KCNH3: variants seen among roughly 807,000 people sequenced by gnomAD.
KCNH3 encodes the protein voltage-gated inwardly rectifying potassium channel KCNH3.
A neutral mutation model predicts 95.6 loss-of-function variants in KCNH3; 36 were observed. The ratio of observed to expected loss-of-function variants is 0.38; its 90% CI spans 0.29 to 0.50. The LOEUF (loss-of-function observed/expected upper bound fraction) is 0.50, where lower values mean the gene tolerates loss of function less well. KCNH3 is among the 20% of genes least tolerant of loss of function. KCNH3 has a pLI of 0.95. For synonymous variants in KCNH3, 620 were observed against 646.3 expected, an observed-to-expected ratio of 0.96 and a Z score of 0.62; for missense variants, 1,030 against 1,484.1, an observed-to-expected ratio of 0.69 and a Z score of 5.03.
In KCNH3 at chr12:49,544,214, C is replaced by T. The variant is rs754946472; in HGVS notation, c.1021C>T (p.Arg341Cys). 2 of 1,570,536 alleles carry T rather than the reference C, an allele frequency of 1.3e-6. No homozygotes were observed. The highest frequency in any genetic ancestry group is 1.7e-6 in the Non-Finnish European group (2 of 1,160,866). The change falls in exon 7 of 15, where the codon CGC (arginine) becomes TGC (cysteine). Residue 341 changes from arginine to cysteine, a missense_variant. Around this residue, in one of 9 missense-constraint regions of KCNH3, gnomAD observed 153 missense variants for 288.5 expected, o/e 0.53. Transcript: ENST00000257981. ...AHLLKTVRLL[R>C]LLRLLPRLDR... ...TCTGCTGAAGACGGTGCGCCTGCTG[C>T]GCCTGCTGCGCCTGCTTCCGCGGCT...
rs372246365 is a variant in KCNH3 at position 49,544,357 on chromosome 12, C to T, written c.1164C>T (p.Ser388=). Residue 388 remains serine, a synonymous_variant, in exon 7 of 15, where the codon AGC becomes AGT. Coordinates refer to ENST00000257981, the MANE Select transcript of KCNH3 (RefSeq NM_012284.3). ...WFYIGQREIE[S]SESELPEIGW... is the part of the protein sequence containing the mutation. ...ACATTGGCCAGCGGGAGATCGAGAG[C>T]AGCGAATCCGAGCTGCCTGAGATTG... The T allele has an allele frequency of 4.3e-6, 7 of 1,613,408 alleles. No homozygotes were observed. The highest frequency in any genetic ancestry group is 5.9e-6 in the Non-Finnish European group (7 of 1,180,026).
In KCNH3 at chr12:49,558,230, T is replaced by G; in HGVS notation, c.*277T>G. 1 of 395,592 alleles carries G rather than the reference T, an allele frequency of 2.5e-6. No individual in the cohort carries two copies. Among genetic ancestry groups the G allele is most frequent in the Non-Finnish European group, 4.4e-6 (1 of 225,626 alleles). The allele number at this position is 395,592 out of a possible 1,614,324, so 24.5% of individuals were successfully genotyped here. A position where few individuals can be genotyped will look rare whatever the true frequency, so the allele number is the denominator to read the frequency against. ...CTGAGGACAAGGAAGAGCTTTGCCA[T>G]CCCCTGCATGTGCCCCTGCCTCTAC... On this transcript the variant is annotated 3_prime_UTR_variant, in exon 15 of 15. Coordinates refer to ENST00000257981, the MANE Select transcript of KCNH3 (RefSeq NM_012284.3).
At chr12:49,540,341 C>T (rs374594295) in intron 1 of KCNH3, among the ~76,000 whole-genome samples, 5 of 152,216 alleles carry the variant, frequency 3.3e-5, no homozygotes, top group African/African-American at 7.2e-5. Flanking sequence ...TCCTGGCTCC[C>T]GTGCTCAGTC....
chr12:49,542,804 C>A lies in KCNH3; in HGVS notation c.544C>A (p.Gln182Lys). Residue 182 changes from glutamine to lysine, a missense_variant, in exon 4 of 15, where the codon CAG (glutamine) becomes AAG (lysine). Around this residue, in one of 9 missense-constraint regions of KCNH3, gnomAD observed 92 missense variants for 92.7 expected, o/e 0.99. Transcript: ENST00000257981. The part of the protein sequence containing the change: ...AVLYHLSGHL[Q>K]KQPKGKHKLN... ...GCTCTACCACCTGTCCGGGCACCTG[C>A]AGAAGCAGCCCAAGGGCAAGCACAA... 1 of 1,603,752 alleles carries A rather than the reference C, an allele frequency of 6.2e-7. No homozygotes were observed. The highest frequency in any genetic ancestry group is 1.1e-5 in the South Asian group (1 of 88,474).
Position 49,539,294 on chromosome 12 carries a change from G to GC in KCNH3, c.-117dup. The GC allele has an allele frequency of 2.3e-6, 1 of 428,314 alleles. No homozygotes were observed. Among genetic ancestry groups the GC allele is most frequent in the Non-Finnish European group, 3.7e-6 (1 of 272,408 alleles). 26.5% of individuals were successfully genotyped at this position (428,314 alleles called of 1,614,324 possible). On this transcript the variant is annotated 5_prime_UTR_variant, in exon 1 of 15. An upstream open reading frame in the 5' UTR loses its in-frame stop. Coordinates refer to ENST00000257981, the MANE Select transcript of KCNH3 (RefSeq NM_012284.3). The surrounding 1 kb of genome is among the most constrained non-coding windows in gnomAD (Gnocchi z 6.7). The stretch of plus-strand genomic sequence containing the variant: ...GACCCCGGATCCCGGTCTGCGCATT[G>GC]CCCCCCGACGGCTGCGCTAGGGAGC...
chr12:49,550,516 G>GT (rs1158997201), intron 10 of KCNH3, among the ~76,000 whole-genome samples, 187 bp downstream of exon 10: 12 of 152,234 alleles, frequency 7.9e-5, no homozygotes, highest in Admixed American at 5.2e-4. Flanking sequence ...AGGTGGCAGC[G>GT]TAAGTAGGTG....
rs377410007 is a variant in KCNH3 at position 49,543,470 on chromosome 12, G to A, written c.775G>A (p.Gly259Ser). 1.6e-4 allele frequency: 258 copies of A among 1,601,270 alleles called. No homozygotes were observed. The highest frequency in any genetic ancestry group is 2.0e-4 in the Non-Finnish European group (239 of 1,179,358). ...AGCACGGGAGCCCAGTGCCGCCCGC[G>A]GCCCGCCCAGCGTCTGTGACCTGGC... ...STAREPSAARGPPSVCDLAVE... is the reference protein window; with the variant it reads ...STAREPSAARSPPSVCDLAVE... Residue 259 changes from glycine to serine, a missense_variant, in exon 5 of 15, where the codon GGC becomes AGC. Gly to Ser is a moderately conservative substitution (Grantham distance 56, BLOSUM62 0). Around this residue, in one of 9 missense-constraint regions of KCNH3, gnomAD observed 153 missense variants for 288.5 expected, o/e 0.53. Transcript: ENST00000257981.
chr12:49,547,053 C>T (rs914361584), intron 7 of KCNH3, among the ~76,000 whole-genome samples: 1 of 152,108 alleles, frequency 6.6e-6, no homozygotes, highest in Non-Finnish European at 1.5e-5. Flanking sequence ...CGCCACCATG[C>T]CTGGCTAATT....
intron 1 of KCNH3, among the ~76,000 whole-genome samples, chr12:49,540,581 C>T (rs779231685): frequency 6.6e-6 from 1 of 152,120 alleles, no homozygotes; most frequent in African/African-American, 2.4e-5. Context: ...GGGCAGTCCT[C>T]ATTAGGGATT....
In KCNH3 at chr12:49,555,954, G is replaced by A; in HGVS notation, c.2468+3G>A. 2.0e-6 allele frequency: 3 copies of A among 1,483,558 alleles called. No homozygotes were observed. The highest frequency in any genetic ancestry group is 1.2e-5 in the South Asian group (1 of 81,044). 91.9% of individuals were successfully genotyped at this position (1,483,558 alleles called of 1,614,324 possible). On this transcript the variant is annotated splice_donor_region_variant and intron_variant, in intron 12 of 14. Coordinates refer to ENST00000257981, the MANE Select transcript of KCNH3 (RefSeq NM_012284.3). ...GTGCCCCCAGATCTGAGCCCCAGGTGAGCAGACCCTAGGCCCCCGTGGCAG... is the reference window on the plus strand; with the variant it reads ...GTGCCCCCAGATCTGAGCCCCAGGTAAGCAGACCCTAGGCCCCCGTGGCAG...
At position 49,555,966 on chromosome 12, in the gene KCNH3, G is replaced by C; in HGVS notation, c.2468+15G>C. The C allele has an allele frequency of 1.6e-6, 2 of 1,287,808 alleles. No individual in the cohort carries two copies. Among genetic ancestry groups the C allele is most frequent in the Admixed American group, 2.0e-5 (1 of 48,940 alleles). The allele number at this position is 1,287,808 out of a possible 1,614,324, so 79.8% of individuals were successfully genotyped here. On this transcript the variant is annotated intron_variant, in intron 12 of 14. Coordinates refer to ENST00000257981, the MANE Select transcript of KCNH3 (RefSeq NM_012284.3). ...CTGAGCCCCAGGTGAGCAGACCCTA[G>C]GCCCCCGTGGCAGAGATGGTGGTGA...
chr12:49,546,720 C>T (rs924336096), intron 7 of KCNH3, among the ~76,000 whole-genome samples: 1 of 152,172 alleles, frequency 6.6e-6, no homozygotes, highest in Admixed American at 6.5e-5. Flanking sequence ...CTGGCCCCAG[C>T]TTCAGGGGTT....
At chr12:49,556,688 A>T (rs1331795835) in intron 13 of KCNH3, 2 of 697,720 alleles carry the variant, frequency 2.9e-6, no homozygotes, top group African/African-American at 3.5e-5. Context: ...AACTGGGTTT[A>T]TATCCTTGCT....
chr12:49,555,881 C>T lies in KCNH3; in HGVS notation c.2398C>T (p.Pro800Ser), dbSNP rs747295139. The change falls in exon 12 of 15, where the codon CCC becomes TCC. Residue 800 changes from proline (P) to serine (S), a missense_variant. Physicochemically the swap from Pro to Ser is moderately conservative, Grantham distance 74. This residue lies in a region of KCNH3 where 464 missense variants were observed against 493.2 expected (regional missense o/e 0.94). Transcript: ENST00000257981. ...GAAGGCTGAGGCTGGCCCCTCTGCT[C>T]CCCCACGGGCCCTAGAGGGGCTACG... ...ALKAEAGPSA[P>S]PRALEGLRLP... 6.2e-7 allele frequency: 1 copy of T among 1,605,854 alleles called. No individual in the cohort carries two copies. Among genetic ancestry groups the T allele is most frequent in the South Asian group, 1.1e-5 (1 of 90,172 alleles).
chr12:49,549,343 C>A (rs1008746725), intron 8 of KCNH3, 98 bp from the exon 9 acceptor site: 2 of 1,506,528 alleles, frequency 1.3e-6, no homozygotes. Flanking sequence ...GCCTTCAGGC[C>A]TTGCCTAGGA....
At chr12:49,557,027 G>C (rs1464297923) in intron 13 of KCNH3, among the ~76,000 whole-genome samples, 156 bp from the exon 14 acceptor site, 1 of 152,102 alleles carries the variant, frequency 6.6e-6, no homozygotes, top group Non-Finnish European at 1.5e-5. Context: ...TGGAAGTTTG[G>C]GCAAAATTCA....
rs374923831 is a variant in KCNH3 at position 49,539,558 on chromosome 12, C to T, written c.76+66C>T. On this transcript the variant is annotated intron_variant, in intron 1 of 14. Transcript: ENST00000257981. This position sits in a 1 kb window ranked among gnomAD's most constrained non-coding sequence, Gnocchi z 6.7. ...CCCTCGCCAGGGCTCCCGCCTTCCC[C>T]GAACCCCCAGCAGCCCAGCTTGGCG... 1.3e-4 allele frequency: 191 copies of T among 1,422,666 alleles called. 1 individual carries two copies. The South Asian group carries it at 2.1e-3, about 16-fold the overall frequency. The allele number at this position is 1,422,666 out of a possible 1,614,324, so 88.1% of individuals were successfully genotyped here.
chr12:49,543,418 T>A lies in KCNH3; in HGVS notation c.723T>A (p.Thr241=), dbSNP rs144600868. The part of the protein sequence containing the change: ...ILLATLYVAV[T]VPYSVCVSTA... Reference sequence around the variant, plus strand: ...TCGCCACACTCTATGTGGCTGTCACTGTGCCCTACAGCGTGTGTGTGAGCA... The same window carrying A: ...TCGCCACACTCTATGTGGCTGTCACAGTGCCCTACAGCGTGTGTGTGAGCA... The change falls in exon 5 of 15, where the codon ACT becomes ACA. Residue 241 remains threonine (T), a synonymous_variant. Coordinates refer to ENST00000257981, the MANE Select transcript of KCNH3 (RefSeq NM_012284.3). 3.0e-5 allele frequency: 49 copies of A among 1,609,360 alleles called. No homozygotes were observed. Among genetic ancestry groups the A allele is most frequent in the Non-Finnish European group, 4.0e-5 (47 of 1,180,004 alleles).
chr12:49,550,039 C>T (rs1239080184), intron 9 of KCNH3, 41 bp from the exon 10 acceptor site: 2 of 1,520,442 alleles, frequency 1.3e-6, no homozygotes, highest in Non-Finnish European at 1.8e-6. Context: ...TCCTCTTCTG[C>T]CACTCCCAAC....
Sources: allele counts gnomAD v4.1 joint callset (sites outside exome capture counted in the v4.1 genomes callset), GRCh38; gene constraint gnomAD v4.1.1; regional missense constraint gnomAD v4.1.1; non-coding constraint Gnocchi (gnomAD v3.1); transcripts MANE v1.5; gene names NCBI Gene and HGNC (gene_info 2026-07-23, HGNC 2026-07-21).